The following MALT1 variants were observed in gnomAD, a reference collection of about 807,000 sequenced individuals.
The protein encoded by MALT1 is MALT1 paracaspase.
A neutral mutation model predicts 85.5 loss-of-function variants in MALT1; 36 were observed. That is an observed-to-expected ratio of 0.42 (90% CI 0.32 to 0.56). The LOEUF (loss-of-function observed/expected upper bound fraction) is 0.56, where lower values mean the gene tolerates loss of function less well. Among genes scored for constraint, MALT1 ranks in the 20% least tolerant of loss-of-function variants. The pLI is 0.10. For missense variants in MALT1, 716 were observed against 981.6 expected (o/e 0.73, Z 3.62); for synonymous variants, 359 against 361.3 (o/e 0.99, Z 0.07).
intron 3 of MALT1, chr18:58,697,408 G>T (rs2054605764): frequency 1.3e-5 from 2 of 152,170 alleles, no homozygotes; most frequent in South Asian, 4.1e-4. Flanking sequence ...GTAGTAAAAA[G>T]ATTGCATGTA....
chr18:58,730,986 T>C (rs1788923371), intron 10 of MALT1, among the ~76,000 whole-genome samples: 1 of 152,200 alleles, frequency 6.6e-6, no homozygotes, highest in South Asian at 2.1e-4. Context: ...AGTCTTGCCC[T>C]GTTGCCCAGG....
At chr18:58,693,540 G>C (rs904885882) in intron 2 of MALT1, among the ~76,000 whole-genome samples, 1 of 152,208 alleles carries the variant, frequency 6.6e-6, no homozygotes, top group Non-Finnish European at 1.5e-5. Flanking sequence ...CTAGAACTTT[G>C]ATAGCTAGAG....
chr18:58,686,227 A>G (rs2054400773), intron 2 of MALT1, among the ~76,000 whole-genome samples: 1 of 152,186 alleles, frequency 6.6e-6, no homozygotes, highest in East Asian at 1.9e-4. Flanking sequence ...AGGTTTCACC[A>G]TGTTGGCCAG....
intron 3 of MALT1, among the ~76,000 whole-genome samples, chr18:58,697,544 T>C (rs1218626951): frequency 1.3e-5 from 2 of 152,212 alleles, no homozygotes; most frequent in Non-Finnish European, 2.9e-5. Flanking sequence ...TCTTGAAAGA[T>C]TGCACCTAAA....
At chr18:58,675,588 G>A (rs186155659) in intron 1 of MALT1, 1 of 152,186 alleles carries the variant, frequency 6.6e-6, no homozygotes, top group Non-Finnish European at 1.5e-5. Flanking sequence ...AATTCATTCA[G>A]TAATCATTCA....
intron 10 of MALT1, among the ~76,000 whole-genome samples, chr18:58,728,196 C>T (rs2055091708): frequency 6.6e-6 from 1 of 152,172 alleles, no homozygotes; most frequent in Admixed American, 6.5e-5. Context: ...TTTCTAAGTA[C>T]AGTAAGTTCT....
chr18:58,675,112 AC>A (rs1464826842), intron 1 of MALT1, among the ~76,000 whole-genome samples: 1 of 152,198 alleles, frequency 6.6e-6, no homozygotes, highest in Non-Finnish European at 1.5e-5. Context: ...ACTGACCTGG[AC>A]ACCCTTTGCT....
chr18:58,671,947 G>T, intron 1 of MALT1, 95 bp downstream of exon 1: 1 of 855,098 alleles, frequency 1.2e-6, no homozygotes, highest in Non-Finnish European at 1.5e-6. Flanking sequence ...TGAGCGCGGC[G>T]GGGGCCGCCG....
chr18:58,700,587 C>G lies in MALT1; in HGVS notation c.645C>G (p.Phe215Leu), dbSNP rs757378728. The G allele has an allele frequency of 6.3e-7, 1 of 1,591,998 alleles. No homozygotes were observed. Among genetic ancestry groups the G allele is most frequent in the Non-Finnish European group, 8.5e-7 (1 of 1,173,642 alleles). The change falls in exon 4 of 17, where the codon TTC becomes TTG. Residue 215 changes from phenylalanine to leucine, a missense_variant. By Grantham distance (22) the Phe-to-Leu change is conservative. Coordinates refer to ENST00000649217, the MANE Select transcript of MALT1 (RefSeq NM_006785.4). ...ATGTTTGCGACATCCCAGAGAGCTT[C>G]CAGAGTAAGTAACGAAAGAAGCTGA... ...QLDVCDIPES[F>L]QRSVDGVSES...
chr18:58,681,924 T>G (rs531259072), intron 2 of MALT1, among the ~76,000 whole-genome samples: 1 of 152,190 alleles, frequency 6.6e-6, no homozygotes, highest in Non-Finnish European at 1.5e-5. Context: ...TCCATTCAGC[T>G]GCTCTCCTCT....
intron 9 of MALT1, among the ~76,000 whole-genome samples, chr18:58,720,492 C>G (rs1419798385): frequency 6.6e-6 from 1 of 152,174 alleles, no homozygotes; most frequent in South Asian, 2.1e-4. Flanking sequence ...ATCTTAGGAA[C>G]TAGCTATTAA....
chr18:58,676,570 T>C (rs2054243551), intron 1 of MALT1, among the ~76,000 whole-genome samples: 1 of 152,204 alleles, frequency 6.6e-6, no homozygotes, highest in Admixed American at 6.5e-5. Flanking sequence ...CCACATGACT[T>C]GTTCACCTCA....
intron 16 of MALT1, 28 bp downstream of exon 16, chr18:58,745,819 T>TAATGGAAAACTTTATGAA: frequency 6.3e-7 from 1 of 1,595,018 alleles, no homozygotes; most frequent in Non-Finnish European, 8.5e-7. Context: ...TTATAGCTAC[T>TAATGGAAAACTTTATGAA]AATGGAAAAC....
chr18:58,671,554 G>T lies in MALT1; in HGVS notation c.-90G>T. ...TTTGTTCTTCCGCCCCTGCCTCCGC[G>T]GCTCGGAGGCGAGCGGAAGGTGCCC... On this transcript the variant is annotated 5_prime_UTR_variant, in exon 1 of 17. Coordinates refer to ENST00000649217, the MANE Select transcript of MALT1 (RefSeq NM_006785.4). The T allele has an allele frequency of 1.2e-6, 1 of 858,354 alleles. No individual in the cohort carries two copies. The highest frequency in any genetic ancestry group is 1.5e-6 in the Non-Finnish European group (1 of 654,838). 53.2% of individuals were successfully genotyped at this position (858,354 alleles called of 1,614,324 possible).
chr18:58,691,306 G>A (rs903233286), intron 2 of MALT1: 8 of 729,300 alleles, frequency 1.1e-5, no homozygotes, highest in South Asian at 1.4e-5. Context: ...CAACCACATA[G>A]CCTTCAACCA....
chr18:58,720,475 G>C (rs6567005), intron 9 of MALT1, among the ~76,000 whole-genome samples: 141,950 of 152,238 alleles, frequency 0.93, 66,923 homozygotes, highest in East Asian at 1. Flanking sequence ...AGGAAATGCT[G>C]TAAGACATCT....
At chr18:58,681,553 G>C (rs1340869849) in intron 2 of MALT1, among the ~76,000 whole-genome samples, 1 of 152,054 alleles carries the variant, frequency 6.6e-6, no homozygotes, top group Admixed American at 6.6e-5. Flanking sequence ...TGAGATAGTT[G>C]GAAAAATTTG....
intron 1 of MALT1, among the ~76,000 whole-genome samples, chr18:58,674,742 T>C (rs1427600233): frequency 6.6e-6 from 1 of 152,208 alleles, no homozygotes; most frequent in African/African-American, 2.4e-5. Context: ...ACAGGAATTA[T>C]AGTGTGAGTG....
intron 2 of MALT1, among the ~76,000 whole-genome samples, chr18:58,682,852 G>A (rs563919876): frequency 6.6e-6 from 1 of 152,328 alleles, no homozygotes; most frequent in South Asian, 2.1e-4. Context: ...GCCCTCTGTA[G>A]ATGGTAAAAT....
Sources: allele counts gnomAD v4.1 joint callset (sites outside exome capture counted in the v4.1 genomes callset), GRCh38; gene constraint gnomAD v4.1.1; transcripts MANE v1.5; gene names NCBI Gene and HGNC (gene_info 2026-07-23, HGNC 2026-07-21).